The following HPSE2 variants were observed in gnomAD, a reference collection of about 807,000 sequenced individuals.
HPSE2 encodes heparanase 2 (inactive), also known as inactive heparanase-2.
In HPSE2, 38 loss-of-function variants were observed where a neutral mutation model predicts 60.5. The ratio of observed to expected loss-of-function variants is 0.63; its 90% CI spans 0.48 to 0.82. The LOEUF (loss-of-function observed/expected upper bound fraction) is 0.82, where lower values mean the gene tolerates loss of function less well. Among genes scored for constraint, HPSE2 ranks in the 40% least tolerant of loss-of-function variants. The pLI is 0.00. For missense variants in HPSE2, 713 were observed against 740.4 expected, an observed-to-expected ratio of 0.96 and a Z score of 0.43; for synonymous variants, 295 against 293.2, an observed-to-expected ratio of 1.01 and a Z score of -0.06.
intron 2 of HPSE2, among the ~76,000 whole-genome samples, chr10:99,182,024 C>G (rs1564875222): frequency 6.6e-6 from 1 of 152,162 alleles, no homozygotes. Context: ...AACTAAACCT[C>G]CTGACACCTT....
chr10:98,840,461 C>T (rs1219540236), intron 3 of HPSE2, among the ~76,000 whole-genome samples: 1 of 152,156 alleles, frequency 6.6e-6, no homozygotes, highest in African/African-American at 2.4e-5. Flanking sequence ...GCAGAGACAG[C>T]AGTTGGGAGC....
the HPSE2 span, among the ~76,000 whole-genome samples, chr10:99,288,919 A>G: frequency 6.6e-6 from 1 of 152,182 alleles, no homozygotes; most frequent in Non-Finnish European, 1.5e-5. Context: ...AAATTTAATT[A>G]TGGTATACTT....
intron 7 of HPSE2, among the ~76,000 whole-genome samples, chr10:98,626,989 G>A (rs1317007481): frequency 2.0e-5 from 3 of 152,012 alleles, no homozygotes; most frequent in Non-Finnish European, 2.9e-5. Flanking sequence ...TAGCCAGGAC[G>A]GTCTCAATCT....
At chr10:99,238,806 A>G (rs1338482262), upstream of HPSE2, among the ~76,000 whole-genome samples, 1 of 152,154 alleles carries the variant, frequency 6.6e-6, no homozygotes, top group Non-Finnish European at 1.5e-5. Context: ...AGCAATCTGC[A>G]TCTCTGTTTT....
chr10:98,836,974 G>C (rs946489989), intron 3 of HPSE2, among the ~76,000 whole-genome samples: 8 of 152,204 alleles, frequency 5.3e-5, no homozygotes, highest in Admixed American at 6.5e-5. Context: ...GGACCCGGGA[G>C]GCAGAGGTAG....
the HPSE2 span, among the ~76,000 whole-genome samples, chr10:99,251,266 C>T: frequency 6.6e-6 from 1 of 152,172 alleles, no homozygotes; most frequent in Non-Finnish European, 1.5e-5. Flanking sequence ...TTCCTGGAAT[C>T]ATACAATCTC....
chr10:98,538,882 G>A (rs1450505638), intron 9 of HPSE2, among the ~76,000 whole-genome samples: 3 of 152,146 alleles, frequency 2.0e-5, no homozygotes, highest in Non-Finnish European at 4.4e-5. Context: ...ATAAGCATAC[G>A]CATTTGCGGG....
intron 3 of HPSE2, among the ~76,000 whole-genome samples, chr10:98,857,367 T>C (rs1952343340): frequency 6.6e-6 from 1 of 152,180 alleles, no homozygotes; most frequent in South Asian, 2.1e-4. Context: ...ATAAGCTAGA[T>C]GATGGCTCAC....
intron 5 of HPSE2, among the ~76,000 whole-genome samples, chr10:98,695,034 C>T (rs533076291): frequency 6.6e-6 from 1 of 152,308 alleles, no homozygotes; most frequent in South Asian, 2.1e-4. Context: ...AAGGCAGATG[C>T]ATGTTGCTCA....
intron 3 of HPSE2, among the ~76,000 whole-genome samples, chr10:98,916,360 A>C (rs1374630527): frequency 6.6e-6 from 1 of 152,204 alleles, no homozygotes; most frequent in Non-Finnish European, 1.5e-5. Context: ...CTTGCTGTAA[A>C]TTTGCCCACT....
chr10:99,190,981 G>C (rs1035419471), intron 2 of HPSE2, among the ~76,000 whole-genome samples: 1 of 152,200 alleles, frequency 6.6e-6, no homozygotes, highest in African/African-American at 2.4e-5. Context: ...ATTGGCAGTA[G>C]CCAGGCAGTA....
chr10:98,965,086 A>T (rs1436337412), intron 3 of HPSE2, among the ~76,000 whole-genome samples: 1 of 152,168 alleles, frequency 6.6e-6, no homozygotes, highest in Non-Finnish European at 1.5e-5. Context: ...TCAACAGACC[A>T]CCCACTTCTA....
chr10:98,611,832 G>C lies in HPSE2; in HGVS notation c.1320+3072C>G, dbSNP rs190571338. ...TTTTACATACAGTTTCTTTATTACA[G>C]CTTGGTGTTTCCAGAAATACAGCTG... On this transcript the variant is annotated intron_variant, in intron 9 of 11. Coordinates refer to ENST00000370552, the MANE Select transcript of HPSE2 (RefSeq NM_021828.5). Among the ~76,000 whole-genome samples the C allele has an allele frequency of 3.4e-3, 520 of 152,324 alleles. 1 individual carries two copies. The highest frequency in any genetic ancestry group is 0.012 in the African/African-American group (491 of 41,566).
At chr10:98,512,478 G>A (rs1237879857) in intron 9 of HPSE2, among the ~76,000 whole-genome samples, 11 of 151,884 alleles carry the variant, frequency 7.2e-5, no homozygotes, top group African/African-American at 1.9e-4. Flanking sequence ...CCAGCTACTC[G>A]GGAGGCTGAG....
chr10:98,991,592 G>C (rs1464294452), intron 3 of HPSE2, among the ~76,000 whole-genome samples: 1 of 152,148 alleles, frequency 6.6e-6, no homozygotes, highest in Non-Finnish European at 1.5e-5. Flanking sequence ...TGAGGGACAT[G>C]AGAAGCCACT....
chr10:98,693,405 G>C (rs563867), intron 6 of HPSE2, among the ~76,000 whole-genome samples: 53,700 of 151,882 alleles, frequency 0.35, 9,721 homozygotes, highest in Admixed American at 0.41. Flanking sequence ...CTTTCTTGAA[G>C]CTGCTTCATC....
At chr10:99,293,829 G>A in the HPSE2 span, among the ~76,000 whole-genome samples, 1 of 152,144 alleles carries the variant, frequency 6.6e-6, no homozygotes, top group Non-Finnish European at 1.5e-5. Context: ...AGGAAAATAT[G>A]TGCAGGGCAT....
chr10:99,295,659 T>C, the HPSE2 span, among the ~76,000 whole-genome samples: 1 of 152,214 alleles, frequency 6.6e-6, no homozygotes, highest in Non-Finnish European at 1.5e-5. Context: ...ATCTCAACGA[T>C]ACACTTTGTT....
At chr10:98,850,508 G>A (rs959979033) in intron 3 of HPSE2, among the ~76,000 whole-genome samples, 5 of 152,012 alleles carry the variant, frequency 3.3e-5, no homozygotes, top group African/African-American at 7.2e-5. Flanking sequence ...AGGCCGAAGC[G>A]GGCAGATCAC....
Sources: allele counts gnomAD v4.1 joint callset (sites outside exome capture counted in the v4.1 genomes callset), GRCh38; gene constraint gnomAD v4.1.1; transcripts MANE v1.5; gene names NCBI Gene and HGNC (gene_info 2026-07-23, HGNC 2026-07-21).